The following TNIK variants were observed in gnomAD, a reference collection of about 807,000 sequenced individuals.
The protein encoded by TNIK is TRAF2 and NCK interacting kinase.
TNIK carries 49 observed loss-of-function variants against 191.3 expected under a neutral mutation model. That is an observed-to-expected ratio of 0.26 (90% CI 0.20 to 0.32). The LOEUF (loss-of-function observed/expected upper bound fraction) is 0.32. TNIK is among the 10% of genes least tolerant of loss of function. The pLI, the probability that TNIK is intolerant of heterozygous loss-of-function variation, is 1.00. For synonymous variants in TNIK, 594 were observed against 600.9 expected (o/e 0.99, Z 0.17); for missense variants, 1,155 against 1,702.3 (o/e 0.68, Z 5.66).
intron 14 of TNIK, 150 bp downstream of exon 14, chr3:171,139,320 T>C: frequency 1.5e-6 from 1 of 664,834 alleles, no homozygotes; most frequent in Non-Finnish European, 2.6e-6. Flanking sequence ...TTGAGGTCCC[T>C]GAGGCTTAGA....
intron 2 of TNIK, among the ~76,000 whole-genome samples, chr3:171,298,259 TC>T (rs1380872349): frequency 6.6e-6 from 1 of 152,140 alleles, no homozygotes; most frequent in Non-Finnish European, 1.5e-5. Context: ...GTATGCCCCT[TC>T]CCCCAAACCT....
At chr3:171,380,672 C>A (rs77649171) in intron 1 of TNIK, among the ~76,000 whole-genome samples, 1 of 151,338 alleles carries the variant, frequency 6.6e-6, no homozygotes, top group Non-Finnish European at 1.5e-5. Flanking sequence ...CCTGTCCCCA[C>A]CCCTCTTCAC....
chr3:171,074,332 C>T (rs1719615295), intron 28 of TNIK, among the ~76,000 whole-genome samples: 1 of 152,016 alleles, frequency 6.6e-6, no homozygotes, highest in Non-Finnish European at 1.5e-5. Context: ...GGACACAAAG[C>T]TGGAAATAAT....
At chr3:171,148,408 AAC>A (rs770284319) in intron 12 of TNIK, among the ~76,000 whole-genome samples, 21 of 152,174 alleles carry the variant, frequency 1.4e-4, no homozygotes, top group Non-Finnish European at 2.9e-4. Flanking sequence ...CTCCTGGGAG[AAC>A]AGTCACACGG....
chr3:171,428,059 C>T (rs9879114), intron 1 of TNIK, among the ~76,000 whole-genome samples: 100,572 of 151,942 alleles, frequency 0.66, 34,672 homozygotes, highest in African/African-American at 0.82. Context: ...GAATTCAATA[C>T]TTACTCTAGT....
rs112846153 is a variant in TNIK at position 171,162,663 on chromosome 3, T to A, written c.950-1327A>T. On this transcript the variant is annotated intron_variant, in intron 10 of 32. Coordinates refer to ENST00000436636, the MANE Select transcript of TNIK (RefSeq NM_015028.4). The stretch of plus-strand genomic sequence containing the variant: ...AGTGGGTATCTCCCACACCAGTCAC[T>A]ACTGCTAGATATTTTACTCTGTTCT... Among the ~76,000 whole-genome samples, 495 of 152,346 alleles carry A rather than the reference T, an allele frequency of 3.2e-3. 1 individual carries two copies. The highest frequency in any genetic ancestry group is 5.5e-3 in the Non-Finnish European group (373 of 68,020).
intron 2 of TNIK, among the ~76,000 whole-genome samples, chr3:171,292,583 T>C (rs968056590): frequency 6.6e-6 from 1 of 152,136 alleles, no homozygotes; most frequent in Non-Finnish European, 1.5e-5. Flanking sequence ...AAGACCATCC[T>C]GGCTAACATG....
intron 1 of TNIK, among the ~76,000 whole-genome samples, chr3:171,431,067 T>C (rs1725319557): frequency 6.6e-6 from 1 of 152,158 alleles, no homozygotes; most frequent in African/African-American, 2.4e-5. Context: ...CTGCTTGTTT[T>C]GGCTCTTTAG....
At chr3:171,291,598 C>T (rs565614232) in intron 2 of TNIK, among the ~76,000 whole-genome samples, 3 of 152,270 alleles carry the variant, frequency 2.0e-5, no homozygotes, top group Admixed American at 6.5e-5. Flanking sequence ...GCTCCAGATG[C>T]GTGTCCATGA....
intron 3 of TNIK, among the ~76,000 whole-genome samples, chr3:171,218,991 A>G (rs1741855588): frequency 7.9e-6 from 1 of 126,800 alleles, no homozygotes; most frequent in Non-Finnish European, 1.6e-5. Context: ...ATATTAAATT[A>G]TTACATATTA....
In TNIK at chr3:171,094,018, CTG is replaced by C. The variant is rs1299171805; in HGVS notation, c.2592-52_2592-51del. ...ATGGCAATGTATCTTTAGGAAATAT[CTG>C]TTTCCTGTCCATATTCATTATTTTT... On this transcript the variant is annotated intron_variant, in intron 22 of 32. Coordinates refer to ENST00000436636, the MANE Select transcript of TNIK (RefSeq NM_015028.4). 6 of 1,586,624 alleles carry C rather than the reference CTG, an allele frequency of 3.8e-6. No homozygotes were observed. The African/African-American group carries it at 8.1e-5, about 22-fold the overall frequency.
intron 2 of TNIK, among the ~76,000 whole-genome samples, chr3:171,277,459 G>A (rs1254187324): frequency 6.6e-6 from 1 of 151,880 alleles, no homozygotes; most frequent in African/African-American, 2.4e-5. Context: ...GTATTAATTA[G>A]AAATGTGTTA....
intron 1 of TNIK, among the ~76,000 whole-genome samples, chr3:171,457,584 G>A (rs1300288573): frequency 6.6e-6 from 1 of 152,198 alleles, no homozygotes; most frequent in Non-Finnish European, 1.5e-5. Flanking sequence ...TCCAAATGTG[G>A]CAAGGTGGAG....
intron 1 of TNIK, among the ~76,000 whole-genome samples, chr3:171,423,857 T>C (rs1373219181): frequency 6.6e-6 from 1 of 152,212 alleles, no homozygotes; most frequent in African/African-American, 2.4e-5. Context: ...GACTTAAATG[T>C]TAGACCGAAA....
At chr3:171,402,393 C>T (rs749473840) in intron 1 of TNIK, among the ~76,000 whole-genome samples, 2 of 152,208 alleles carry the variant, frequency 1.3e-5, no homozygotes, top group East Asian at 3.8e-4. Flanking sequence ...AAAATGTATT[C>T]GGTGTCCAAT....
intron 1 of TNIK, among the ~76,000 whole-genome samples, chr3:171,459,225 G>GTC (rs1553784540): frequency 0.012 from 1,785 of 150,494 alleles, 35 homozygotes; most frequent in African/African-American, 0.041. Flanking sequence ...AACACACACA[G>GTC]ACACACACAC....
intron 1 of TNIK, among the ~76,000 whole-genome samples, chr3:171,410,255 A>T (rs978176312): frequency 6.6e-6 from 1 of 152,230 alleles, no homozygotes; most frequent in Non-Finnish European, 1.5e-5. Context: ...TAATTTTATT[A>T]TCTTTCATGG....
chr3:171,328,272 A>C (rs1756038676), intron 2 of TNIK, among the ~76,000 whole-genome samples: 1 of 152,190 alleles, frequency 6.6e-6, no homozygotes, highest in Admixed American at 6.5e-5. Context: ...CAGACACTGA[A>C]TCTGCTGGAG....
At chr3:171,107,284 A>G (rs924328992) in intron 20 of TNIK, 78 bp from the exon 21 acceptor site, 1 of 1,419,202 alleles carries the variant, frequency 7.0e-7, no homozygotes, top group African/African-American at 1.5e-5. Flanking sequence ...ATTAGACACA[A>G]AATTGTAATT....
Sources: allele counts gnomAD v4.1 joint callset (sites outside exome capture counted in the v4.1 genomes callset), GRCh38; gene constraint gnomAD v4.1.1; transcripts MANE v1.5; gene names NCBI Gene and HGNC (gene_info 2026-07-23, HGNC 2026-07-21).